The following LRRTM4 variants were observed in gnomAD, a reference collection of about 807,000 sequenced individuals.
LRRTM4 encodes the protein leucine-rich repeat transmembrane neuronal protein 4.
Under a neutral mutation model 47.6 loss-of-function variants are expected in LRRTM4, and 25 were observed. The ratio of observed to expected loss-of-function variants is 0.53; its 90% CI spans 0.38 to 0.73. The LOEUF is 0.73. Ranked by LOEUF, LRRTM4 falls within the 30% of genes least tolerant of loss-of-function variation. LRRTM4 has a pLI of 0.00. For synonymous variants in LRRTM4, 311 were observed against 269.5 expected (o/e 1.15, Z -1.51); for missense variants, 638 against 713.4 (o/e 0.89, Z 1.20).
In LRRTM4 at chr2:77,505,353, T is replaced by C. The variant is rs906891353; in HGVS notation, c.1551+12965A>G. 3.3e-5 allele frequency among the ~76,000 whole-genome samples: 5 copies of C among 151,608 alleles called. No homozygotes were observed. In the East Asian group the frequency reaches 7.7e-4, roughly 23 times the overall value. ...GTTAATTTTTATAAATGAGACTATA[T>C]GATAATTGTGATAAATAAGATTTTG... On this transcript the variant is annotated intron_variant, in intron 3 of 3. Coordinates refer to ENST00000409884, the MANE Select transcript of LRRTM4 (RefSeq NM_001134745.3).
chr2:76,936,992 A>C lies in LRRTM4; in HGVS notation c.1552-188076T>G, dbSNP rs13420156. On this transcript the variant is annotated intron_variant, in intron 3 of 3. Coordinates refer to ENST00000409884, the MANE Select transcript of LRRTM4 (RefSeq NM_001134745.3). ...AAAAAAAAAAAAAAAAAAAGAGCAC[A>C]TAAGTATATGTGAAAACATATCATC... is the stretch of plus-strand genomic sequence containing the variant. 6.7e-3 allele frequency among the ~76,000 whole-genome samples: 986 copies of C among 147,596 alleles called. 10 individuals are homozygous for C. The highest frequency in any genetic ancestry group is 0.024 in the African/African-American group (935 of 39,686).
chr2:77,141,836 G>A (rs1672132432), intron 3 of LRRTM4, among the ~76,000 whole-genome samples: 1 of 152,118 alleles, frequency 6.6e-6, no homozygotes, highest in Non-Finnish European at 1.5e-5. Context: ...AAGGATATAA[G>A]TATCACCAAT....
chr2:77,222,696 G>T (rs534531839), intron 3 of LRRTM4, among the ~76,000 whole-genome samples: 2 of 152,098 alleles, frequency 1.3e-5, no homozygotes. Context: ...AACAGGCTCC[G>T]AAATTGAGGC....
At chr2:77,482,855 G>A (rs1677760067) in intron 3 of LRRTM4, among the ~76,000 whole-genome samples, 1 of 151,900 alleles carries the variant, frequency 6.6e-6, no homozygotes, top group African/African-American at 2.4e-5. Context: ...AGGCGTGGTG[G>A]CTCACACCTG....
intron 3 of LRRTM4, among the ~76,000 whole-genome samples, chr2:77,314,584 G>A (rs764605626): frequency 2.1e-4 from 32 of 152,046 alleles, no homozygotes; most frequent in Non-Finnish European, 5.9e-5. Flanking sequence ...TATTTCACTA[G>A]CTGTGTGACT....
chr2:77,133,122 G>T (rs568159100), intron 3 of LRRTM4, among the ~76,000 whole-genome samples: 3 of 152,158 alleles, frequency 2.0e-5, no homozygotes, highest in Non-Finnish European at 4.4e-5. Flanking sequence ...CATAGCCAAT[G>T]GTCATAAGAA....
At chr2:77,255,251 G>A (rs1437711464) in intron 3 of LRRTM4, among the ~76,000 whole-genome samples, 4 of 152,036 alleles carry the variant, frequency 2.6e-5, no homozygotes, top group African/African-American at 9.6e-5. Flanking sequence ...ATTCACCAAA[G>A]AGAGATACAA....
intron 3 of LRRTM4, among the ~76,000 whole-genome samples, chr2:76,982,114 G>A (rs1035849597): frequency 1.3e-5 from 2 of 151,980 alleles, no homozygotes; most frequent in African/African-American, 2.4e-5. Context: ...ATGTGTCCAT[G>A]GATATTGTTA....
rs191135115 is a variant in LRRTM4 at position 77,448,905 on chromosome 2, G to T, written c.1551+69413C>A. 5.8e-4 allele frequency among the ~76,000 whole-genome samples: 89 copies of T among 152,222 alleles called. 1 individual carries two copies. Among genetic ancestry groups the T allele is most frequent in the East Asian group, 5.0e-3 (26 of 5,186 alleles). ...ATTCACATGATATTTGTGGAAAGTG[G>T]CCAGTTTAAACCATTTTACTATATT... On this transcript the variant is annotated intron_variant, in intron 3 of 3. Coordinates refer to ENST00000409884, the MANE Select transcript of LRRTM4 (RefSeq NM_001134745.3).
intron 3 of LRRTM4, among the ~76,000 whole-genome samples, chr2:77,077,066 G>A (rs944379853): frequency 6.6e-6 from 1 of 152,076 alleles, no homozygotes; most frequent in Admixed American, 6.5e-5. Context: ...TACCTAGATG[G>A]TGTCTGACAA....
intron 3 of LRRTM4, among the ~76,000 whole-genome samples, chr2:77,331,138 C>A (rs1670958823): frequency 6.6e-6 from 1 of 152,078 alleles, no homozygotes; most frequent in South Asian, 2.1e-4. Context: ...ACTCAGGAGA[C>A]AATATTCTTA....
chr2:77,153,623 C>T (rs1389266356), intron 3 of LRRTM4, among the ~76,000 whole-genome samples: 1 of 152,102 alleles, frequency 6.6e-6, no homozygotes, highest in Non-Finnish European at 1.5e-5. Context: ...GTTTTTATAT[C>T]ACTTTTCAGG....
intron 3 of LRRTM4, among the ~76,000 whole-genome samples, chr2:76,838,972 A>T (rs1307396474): frequency 6.6e-6 from 1 of 152,172 alleles, no homozygotes; most frequent in Non-Finnish European, 1.5e-5. Flanking sequence ...AATACTGGCA[A>T]TGAAATACAT....
At chr2:76,775,830 A>G (rs1673952696) in intron 3 of LRRTM4, among the ~76,000 whole-genome samples, 2 of 152,202 alleles carry the variant, frequency 1.3e-5, no homozygotes, top group East Asian at 3.9e-4. Flanking sequence ...ATATGTATAC[A>G]TGTGCCATGC....
At chr2:77,042,685 T>G (rs1679077669) in intron 3 of LRRTM4, among the ~76,000 whole-genome samples, 1 of 151,730 alleles carries the variant, frequency 6.6e-6, no homozygotes, top group African/African-American at 2.4e-5. Context: ...AAGTAAATTA[T>G]GTGAATATTG....
chr2:77,303,058 C>A (rs1677173899), intron 3 of LRRTM4, among the ~76,000 whole-genome samples: 1 of 152,118 alleles, frequency 6.6e-6, no homozygotes, highest in African/African-American at 2.4e-5. Context: ...CAGGCCCTGA[C>A]AATTTTTGCT....
At chr2:76,843,450 C>A (rs1301600713) in intron 3 of LRRTM4, among the ~76,000 whole-genome samples, 2 of 152,106 alleles carry the variant, frequency 1.3e-5, no homozygotes, top group Admixed American at 6.6e-5. Flanking sequence ...TTTTCAAGCT[C>A]ATTTAACAGA....
chr2:77,224,493 T>C (rs1416021667), intron 3 of LRRTM4, among the ~76,000 whole-genome samples: 1 of 151,944 alleles, frequency 6.6e-6, no homozygotes, highest in Non-Finnish European at 1.5e-5. Flanking sequence ...GAATCTACAA[T>C]GAACTCAAAC....
At chr2:76,906,298 A>C (rs1343569303) in intron 3 of LRRTM4, among the ~76,000 whole-genome samples, 2 of 152,308 alleles carry the variant, frequency 1.3e-5, no homozygotes, top group African/African-American at 4.8e-5. Flanking sequence ...GCAAATGCTC[A>C]GAGATTTTGT....
Sources: gnomAD v4.1 joint callset for allele counts (sites outside exome capture counted in the v4.1 genomes callset) on GRCh38, gnomAD v4.1.1 for gene constraint, MANE v1.5 for transcripts, NCBI Gene and HGNC (gene_info 2026-07-23, HGNC 2026-07-21) for gene names.